MYO7B: variants seen among roughly 807,000 people sequenced by gnomAD.
MYO7B encodes the protein unconventional myosin-VIIb.
In MYO7B, 212 loss-of-function variants were observed where a neutral mutation model predicts 259.7. That is an observed-to-expected ratio of 0.82 (90% CI 0.73 to 0.91). MYO7B has a LOEUF of 0.91. MYO7B is among the 40% of genes least tolerant of loss of function. The pLI is 0.00. For missense variants in MYO7B, 2,732 were observed against 2,813.5 expected (o/e 0.97, Z 0.66); for synonymous variants, 1,197 against 1,166.4 (o/e 1.03, Z -0.54).
Position 127,609,880 on chromosome 2 carries a change from G to C in MYO7B, c.3056G>C (p.Arg1019Thr), listed in dbSNP as rs764510202. The change falls in exon 24 of 48, where the codon AGG (arginine) becomes ACG (threonine). Residue 1019 changes from arginine to threonine, a missense_variant. Physicochemically the swap from Arg to Thr is moderately conservative, Grantham distance 71. Around this residue, in one of 3 missense-constraint regions of MYO7B, gnomAD observed 1,906 missense variants for 2,026.4 expected, o/e 0.94. Coordinates refer to ENST00000409816, the MANE Select transcript of MYO7B (RefSeq NM_001393586.1). This position sits in a 1 kb window ranked among gnomAD's most constrained non-coding sequence, Gnocchi z 6.9. ...CTGGTCATATGGAACGTCATCCTGA[G>C]GTTCATGGGTGATCTCCCAGAGCCA... Reference protein sequence around the residue: ...AALVIWNVILRFMGDLPEPVL... With the variant: ...AALVIWNVILTFMGDLPEPVL... 3.7e-6 allele frequency: 6 copies of C among 1,612,700 alleles called. No individual in the cohort carries two copies. The East Asian group carries it at 1.3e-4, about 36-fold the overall frequency.
At chr2:127,562,967 C>A (rs2104858541) in intron 2 of MYO7B, among the ~76,000 whole-genome samples, 1 of 152,280 alleles carries the variant, frequency 6.6e-6, no homozygotes, top group East Asian at 1.9e-4. Context: ...TCCTTCCTAC[C>A]TTTTATGATT....
intron 8 of MYO7B, 27 bp from the exon 9 acceptor site, chr2:127,578,106 C>T: frequency 3.7e-6 from 6 of 1,612,328 alleles, no homozygotes; most frequent in Non-Finnish European, 5.1e-6. Flanking sequence ...GGGATGGCCC[C>T]ATTCACTGAG....
rs144805051 is a variant in MYO7B, at chr2:127,626,765, C to T, written c.4216-210C>T. ...CTGCACTCCAGCCTGGGTGACAGAG[C>T]GAGACTCTGTCTCAAAAAAGAAAAA... On this transcript the variant is annotated intron_variant, in intron 31 of 47. Transcript: ENST00000409816. The T allele has an allele frequency of 4.5e-5, 23 of 514,590 alleles. No homozygotes were observed. The Admixed American group carries it at 5.2e-4, about 12-fold the overall frequency. The allele number at this position is 514,590 out of a possible 1,614,324, so 31.9% of individuals were successfully genotyped here. A position where few individuals can be genotyped will look rare whatever the true frequency, so the allele number is the denominator to read the frequency against.
intron 39 of MYO7B, 38 bp from the exon 40 acceptor site, chr2:127,633,220 G>T (rs1681616440): frequency 6.0e-6 from 9 of 1,510,286 alleles, no homozygotes; most frequent in Non-Finnish European, 8.2e-6. Flanking sequence ...GAGGATGAGG[G>T]TGGGGGTGGC....
chr2:127,567,115 C>G (rs1012332182), intron 5 of MYO7B, among the ~76,000 whole-genome samples: 1 of 152,084 alleles, frequency 6.6e-6, no homozygotes, highest in Non-Finnish European at 1.5e-5. Flanking sequence ...TAGAAATGGG[C>G]CCCAGGAGTC....
intron 1 of MYO7B, among the ~76,000 whole-genome samples, chr2:127,540,578 A>G (rs1352165994): frequency 1.3e-5 from 2 of 152,210 alleles, no homozygotes; most frequent in East Asian, 3.8e-4. Flanking sequence ...GCTAGTCTAC[A>G]TTCCCACCAG....
At chr2:127,565,938 C>T (rs2104871023) in intron 4 of MYO7B, among the ~76,000 whole-genome samples, 2 of 152,378 alleles carry the variant, frequency 1.3e-5, no homozygotes, top group Middle Eastern at 3.4e-3. Flanking sequence ...GTAGGTGTGG[C>T]CTGCAGAAGC....
chr2:127,549,224 C>T (rs1693358295), intron 1 of MYO7B, among the ~76,000 whole-genome samples: 1 of 151,646 alleles, frequency 6.6e-6, no homozygotes, highest in South Asian at 2.1e-4. Context: ...GTATCTAGCT[C>T]TATTTTGATT....
intron 18 of MYO7B, among the ~76,000 whole-genome samples, chr2:127,595,454 G>T (rs188809865): frequency 6.6e-6 from 1 of 151,840 alleles, no homozygotes; most frequent in South Asian, 2.1e-4. Context: ...AGAGTTTTTC[G>T]TATCTCTATC....
chr2:127,588,382 G>A lies in MYO7B; in HGVS notation c.1691-10G>A. Reference sequence around the variant, plus strand: ...AGCTGGGATGCTGGGTGGGCCCTGTGTCTCCACAGGCTTCCTGGAGAAGAA... The same window carrying A: ...AGCTGGGATGCTGGGTGGGCCCTGTATCTCCACAGGCTTCCTGGAGAAGAA... On this transcript the variant is annotated splice_polypyrimidine_tract_variant and intron_variant, in intron 14 of 47. Transcript: ENST00000409816. 4 of 1,612,026 alleles carry A rather than the reference G, an allele frequency of 2.5e-6. No individual in the cohort carries two copies. Among genetic ancestry groups the A allele is most frequent in the African/African-American group, 1.3e-5 (1 of 75,028 alleles).
At position 127,613,276 on chromosome 2, in the gene MYO7B, C is replaced by G. The variant is rs962873837; in HGVS notation, c.3398+673C>G. 2.0e-5 allele frequency among the ~76,000 whole-genome samples: 3 copies of G among 151,932 alleles called. No homozygotes were observed. The highest frequency in any genetic ancestry group is 4.4e-5 in the Non-Finnish European group (3 of 67,972). ...TCTGCTTATCTTTTCTTTCTTTTTTCTCTGTGTTCTTTAGATTGGATAGTT... is the reference window on the plus strand; with the variant it reads ...TCTGCTTATCTTTTCTTTCTTTTTTGTCTGTGTTCTTTAGATTGGATAGTT... On this transcript the variant is annotated intron_variant, in intron 26 of 47. Transcript: ENST00000409816. This position sits in a 1 kb window ranked among gnomAD's most constrained non-coding sequence, Gnocchi z 4.3.
At chr2:127,606,470 A>G (rs533889037) in intron 20 of MYO7B, among the ~76,000 whole-genome samples, 12 of 152,176 alleles carry the variant, frequency 7.9e-5, no homozygotes, top group Admixed American at 7.9e-4. Flanking sequence ...ATGCCCACCA[A>G]TGGCATGATA....
intron 6 of MYO7B, among the ~76,000 whole-genome samples, chr2:127,573,259 A>ACGTC (rs925123610): frequency 1.3e-5 from 2 of 152,242 alleles, no homozygotes; most frequent in African/African-American, 4.8e-5. Context: ...ACACCCCAGC[A>ACGTC]CGTCACTCTT....
chr2:127,562,422 G>A (rs1296006591), intron 2 of MYO7B, among the ~76,000 whole-genome samples: 1 of 149,546 alleles, frequency 6.7e-6, no homozygotes, highest in East Asian at 2.0e-4. Flanking sequence ...TCAGCCTCCT[G>A]ATTAGCTGGG....
At chr2:127,568,732 A>G (rs1487757244) in intron 5 of MYO7B, among the ~76,000 whole-genome samples, 2 of 151,962 alleles carry the variant, frequency 1.3e-5, no homozygotes, top group Non-Finnish European at 2.9e-5. Context: ...CCCCGTCTCT[A>G]CTAAAAATAT....
At chr2:127,623,559 C>G (rs1382219509) in intron 29 of MYO7B, among the ~76,000 whole-genome samples, 184 bp downstream of exon 29, 1 of 152,172 alleles carries the variant, frequency 6.6e-6, no homozygotes, top group Non-Finnish European at 1.5e-5. Flanking sequence ...AGCAAACAGC[C>G]TTTCCTCCCG....
chr2:127,596,854 G>A (rs1361043708), intron 19 of MYO7B, among the ~76,000 whole-genome samples: 1 of 152,250 alleles, frequency 6.6e-6, no homozygotes, highest in Non-Finnish European at 1.5e-5. Context: ...TTATATCAAA[G>A]CGTATGGGTT....
chr2:127,550,435 G>A (rs1196479441), intron 1 of MYO7B, among the ~76,000 whole-genome samples: 1 of 152,060 alleles, frequency 6.6e-6, no homozygotes, highest in Non-Finnish European at 1.5e-5. Flanking sequence ...GCATGGTGGA[G>A]CATGCCCATA....
Position 127,576,525 on chromosome 2 carries a change from C to G in MYO7B, c.736-70C>G. The G allele has an allele frequency of 3.2e-6, 3 of 951,424 alleles. No homozygotes were observed. The highest frequency in any genetic ancestry group is 2.7e-5 in the East Asian group (1 of 36,900). The allele number at this position is 951,424 out of a possible 1,614,324, so 58.9% of individuals were successfully genotyped here. A position where few individuals can be genotyped will look rare whatever the true frequency, so the allele number is the denominator to read the frequency against. On this transcript the variant is annotated intron_variant, in intron 7 of 47. Coordinates refer to ENST00000409816, the MANE Select transcript of MYO7B (RefSeq NM_001393586.1). This position sits in a 1 kb window ranked among gnomAD's most constrained non-coding sequence, Gnocchi z 4.9. ...AGGCCAGGGCTGGGCTGGGCAGAGGCAGTCTGAGGCCCTGAGGCCTCAGGG... is the reference window on the plus strand; with the variant it reads ...AGGCCAGGGCTGGGCTGGGCAGAGGGAGTCTGAGGCCCTGAGGCCTCAGGG...
Sources: allele counts gnomAD v4.1 joint callset (sites outside exome capture counted in the v4.1 genomes callset), GRCh38; gene constraint gnomAD v4.1.1; regional missense constraint gnomAD v4.1.1; non-coding constraint Gnocchi (gnomAD v3.1); transcripts MANE v1.5; gene names NCBI Gene and HGNC (gene_info 2026-07-23, HGNC 2026-07-21).